The following NELFA variants were observed in gnomAD, a reference collection of about 807,000 sequenced individuals.
NELFA encodes the protein negative elongation factor A.
A neutral mutation model predicts 51.8 loss-of-function variants in NELFA; 35 were observed. The observed-to-expected ratio is 0.68, with a 90% CI of 0.52 to 0.90. The LOEUF is 0.90. Among genes scored for constraint, NELFA ranks in the 40% least tolerant of loss-of-function variants. The pLI is 0.00. For missense variants in NELFA, 658 were observed against 746.4 expected, an observed-to-expected ratio of 0.88 and a Z score of 1.38; for synonymous variants, 417 against 338.4, an observed-to-expected ratio of 1.23 and a Z score of -2.55.
chr4:1,988,236 C>T (rs2109057345), intron 3 of NELFA, among the ~76,000 whole-genome samples: 1 of 152,198 alleles, frequency 6.6e-6, no homozygotes, highest in East Asian at 1.9e-4. Flanking sequence ...TGTGGCTGCA[C>T]CTCCCAGGAC....
chr4:1,994,263 T>C (rs1351231728), intron 1 of NELFA, among the ~76,000 whole-genome samples: 1 of 151,580 alleles, frequency 6.6e-6, no homozygotes, highest in African/African-American at 2.4e-5. Context: ...AGATTTCATT[T>C]CTTAAAAAAA....
intron 1 of NELFA, chr4:2,008,142 C>T (rs769807896): frequency 2.3e-6 from 1 of 426,086 alleles, no homozygotes; most frequent in Admixed American, 2.6e-5. Context: ...TCTCGGGATC[C>T]CCGCCCTCGC....
chr4:1,992,640 C>A, intron 1 of NELFA: 2 of 213,640 alleles, frequency 9.4e-6, no homozygotes, highest in South Asian at 4.4e-5. Context: ...CCACTCCCTG[C>A]GTCAGGCGCC....
chr4:2,008,273 C>T (rs1560890938), intron 1 of NELFA, among the ~76,000 whole-genome samples: 1 of 151,822 alleles, frequency 6.6e-6, no homozygotes, highest in South Asian at 2.1e-4. Context: ...GTGGTGAGGA[C>T]CGAAGGCGGG....
At chr4:1,990,317 C>T (rs539802313) in intron 2 of NELFA, 12 of 443,044 alleles carry the variant, frequency 2.7e-5, no homozygotes, top group South Asian at 1.8e-4. Context: ...AAACTGCCCA[C>T]ATCCATTTCC....
chr4:1,991,395 G>A (rs1728264441), intron 2 of NELFA, 149 bp downstream of exon 2: 3 of 763,304 alleles, frequency 3.9e-6, no homozygotes, highest in Non-Finnish European at 6.2e-6. Flanking sequence ...AGCTTACGGG[G>A]GAGGATGGTG....
At position 1,989,374 on chromosome 4, in the gene NELFA, C is replaced by T. The variant is rs562327250; in HGVS notation, c.544+334G>A. 3.3e-5 allele frequency among the ~76,000 whole-genome samples: 5 copies of T among 152,338 alleles called. No individual in the cohort carries two copies. The highest frequency in any genetic ancestry group is 1.2e-4 in the African/African-American group (5 of 41,564). ...AGACAGGGTCTCACTCTCTCCCAGG[C>T]TGGAGTGTAGTGGTGTGATCACAGC... On this transcript the variant is annotated intron_variant, in intron 3 of 10. Transcript: ENST00000382882. This position sits in a 1 kb window ranked among gnomAD's most constrained non-coding sequence, Gnocchi z 4.8.
intron 3 of NELFA, among the ~76,000 whole-genome samples, chr4:1,988,947 T>G (rs1315761522): frequency 6.4e-5 from 4 of 62,668 alleles, no homozygotes; most frequent in East Asian, 4.4e-4. Flanking sequence ...AGTTGGTGGG[T>G]TTTTTTTTTT....
intron 1 of NELFA, among the ~76,000 whole-genome samples, chr4:2,006,768 CAAAAAAAAAA>C (rs57055347): frequency 1.0e-4 from 8 of 79,758 alleles, no homozygotes; most frequent in East Asian, 6.2e-4. Flanking sequence ...GACGCTGTCT[CAAAAAAAAAA>C]AAAAAAAAAA....
Position 1,991,714 on chromosome 4 carries a change from A to T in NELFA, c.212T>A (p.Met71Lys). 6.3e-7 allele frequency: 1 copy of T among 1,591,212 alleles called. No homozygotes were observed. The highest frequency in any genetic ancestry group is 8.5e-7 in the Non-Finnish European group (1 of 1,170,074). Reference protein sequence around the residue: ...LHLPRRTVDEMKGALMEIIQL... With the variant: ...LHLPRRTVDEKKGALMEIIQL... ...GATGATCTCCATTAGGGCGCCCTTCATCTGCAAAATAGGATGCTGCCGGCG... is the reference window on the plus strand; with the variant it reads ...GATGATCTCCATTAGGGCGCCCTTCTTCTGCAAAATAGGATGCTGCCGGCG... Residue 71 changes from methionine to lysine, a missense_variant and splice_region_variant, in exon 2 of 11, where the codon ATG becomes AAG. Around this residue, in one of 3 missense-constraint regions of NELFA, gnomAD observed 371 missense variants for 448.3 expected, o/e 0.83. Transcript: ENST00000382882.
rs1374860851 is a variant in NELFA, at chr4:1,986,330, C to T, written c.707G>A (p.Gly236Glu). 4.4e-6 allele frequency: 7 copies of T among 1,600,616 alleles called. No individual in the cohort carries two copies. The highest frequency in any genetic ancestry group is 5.1e-6 in the Non-Finnish European group (6 of 1,174,026). Reference sequence around the variant, plus strand: ...GGAAGGCGGGATGGGGGTCCGGTTCCCTGTGGGGCTGAAGACGCTGGGCGC... The same window carrying T: ...GGAAGGCGGGATGGGGGTCCGGTTCTCTGTGGGGCTGAAGACGCTGGGCGC... ...PTAPSVFSPT[G>E]NRTPIPPSRT... The change falls in exon 5 of 11, where the codon GGG (glycine) becomes GAG (glutamate). Residue 236 changes from glycine (G) to glutamate (E), a missense_variant. By Grantham distance (98) the Gly-to-Glu change is moderately conservative. This residue lies in a region of NELFA where 371 missense variants were observed against 448.3 expected (regional missense o/e 0.83). Transcript: ENST00000382882.
rs199617649 is a variant in NELFA at position 1,995,552 on chromosome 4, A to C, written c.211-3837T>G. Among the ~76,000 whole-genome samples the C allele has an allele frequency of 7.2e-5, 11 of 152,388 alleles. No individual in the cohort carries two copies. In the East Asian group the frequency reaches 1.9e-3, roughly 27 times the overall value. ...AAAAGTAAATGACCCAGAATGGCCTAGTCCTTTCACAATCCAGTTAAATGA... is the reference window on the plus strand; with the variant it reads ...AAAAGTAAATGACCCAGAATGGCCTCGTCCTTTCACAATCCAGTTAAATGA... On this transcript the variant is annotated intron_variant, in intron 1 of 10. Coordinates refer to ENST00000382882, the MANE Select transcript of NELFA (RefSeq NM_005663.5).
Position 1,989,635 on chromosome 4 carries a change from G to T in NELFA, c.544+73C>A. ...ACGCCACCTTGAAGGGGCAGTCTTG[G>T]TACCTTAGAACCTAAGAAACCTATG... On this transcript the variant is annotated intron_variant, in intron 3 of 10. Coordinates refer to ENST00000382882, the MANE Select transcript of NELFA (RefSeq NM_005663.5). This position sits in a 1 kb window ranked among gnomAD's most constrained non-coding sequence, Gnocchi z 4.8. The T allele has an allele frequency of 6.6e-7, 1 of 1,509,636 alleles. No individual in the cohort carries two copies. Among genetic ancestry groups the T allele is most frequent in the South Asian group, 1.3e-5 (1 of 78,802 alleles). 93.5% of individuals were successfully genotyped at this position (1,509,636 alleles called of 1,614,324 possible).
Position 1,992,096 on chromosome 4 carries a change from G to GGGGCGA in NELFA, c.211-382_211-381insTCGCCC, listed in dbSNP as rs1328910151. On this transcript the variant is annotated intron_variant, in intron 1 of 10. Coordinates refer to ENST00000382882, the MANE Select transcript of NELFA (RefSeq NM_005663.5). ...TGCGGGTGGGAAATCCTGGGGATGAGGGGCGTAGAGCAGGCAGGTGCCCGG... is the reference window on the plus strand; with the variant it reads ...TGCGGGTGGGAAATCCTGGGGATGAGGGGCGAGGGCGTAGAGCAGGCAGGTGCCCGG... The GGGGCGA allele has an allele frequency of 1.9e-4, 42 of 224,482 alleles. No homozygotes were observed. In the South Asian group the frequency reaches 2.0e-3, roughly 11 times the overall value. The allele number at this position is 224,482 out of a possible 1,614,324, so 13.9% of individuals were successfully genotyped here.
In NELFA at chr4:1,983,999, G is replaced by A. The variant is rs377602331; in HGVS notation, c.1151C>T (p.Ala384Val). The A allele has an allele frequency of 5.6e-5, 90 of 1,609,384 alleles. No individual in the cohort carries two copies. The highest frequency in any genetic ancestry group is 6.6e-5 in the South Asian group (6 of 91,030). Residue 384 changes from alanine (A) to valine (V), a missense_variant, in exon 9 of 11, where the codon GCC becomes GTC. Coordinates refer to ENST00000382882, the MANE Select transcript of NELFA (RefSeq NM_005663.5). ...APMYNSGLSPATPTPAAPTSP... is the reference protein window; with the variant it reads ...APMYNSGLSPVTPTPAAPTSP... ...GGTGGGCGCCGCAGGCGTGGGTGTG[G>A]CAGGGCTCAGGCCGCTGTTGTACAT... is the stretch of plus-strand genomic sequence containing the variant.
intron 1 of NELFA, among the ~76,000 whole-genome samples, chr4:1,999,381 G>T (rs751525566): frequency 6.6e-6 from 1 of 152,000 alleles, no homozygotes; most frequent in Non-Finnish European, 1.5e-5. Context: ...ACCCATTGGT[G>T]TGCTGTATGC....
chr4:1,984,839 G>A lies in NELFA; in HGVS notation c.1005C>T (p.Ser335=), dbSNP rs1234957270. ...LPSTPSVVPA[S]SYIPSSETPP... is the part of the protein sequence containing the mutation. ...GCGTCTCGGAGCTGGGGATGTAGGA[G>A]GAGGCGGGAACCACGCTGGGCGTGG... The change falls in exon 8 of 11, where the codon TCC becomes TCT. Residue 335 remains serine, a synonymous_variant. Transcript: ENST00000382882. 1 of 1,572,216 alleles carries A rather than the reference G, an allele frequency of 6.4e-7. No homozygotes were observed. The highest frequency in any genetic ancestry group is 1.2e-5 in the South Asian group (1 of 85,144).
rs1325241738 is a variant in NELFA, at chr4:2,002,071, G to A, written c.210+6679C>T. Among the ~76,000 whole-genome samples the A allele has an allele frequency of 4.7e-5, 7 of 149,166 alleles. No individual in the cohort carries two copies. The East Asian group carries it at 1.0e-3, about 22-fold the overall frequency. On this transcript the variant is annotated intron_variant, in intron 1 of 10. Transcript: ENST00000382882. ...AAAAATTAGCCAGGCATGGTGGCGG[G>A]CGCCTGTAGTCCCAGCTACTAGGGA...
At chr4:1,985,029 A>G in intron 7 of NELFA, 110 bp from the exon 8 acceptor site, 2 of 765,862 alleles carry the variant, frequency 2.6e-6, no homozygotes, top group Non-Finnish European at 2.1e-6. Context: ...CCCCCGAGCT[A>G]GAGCAGGAAG....
Sources: allele counts gnomAD v4.1 joint callset (sites outside exome capture counted in the v4.1 genomes callset), GRCh38; gene constraint gnomAD v4.1.1; regional missense constraint gnomAD v4.1.1; non-coding constraint Gnocchi (gnomAD v3.1); transcripts MANE v1.5; gene names NCBI Gene and HGNC (gene_info 2026-07-23, HGNC 2026-07-21).